NEB: variants seen among roughly 807,000 people sequenced by gnomAD.
NEB encodes nebulin, also known as nemaline myopathy type 2.
In NEB, 512 loss-of-function variants were observed where a neutral mutation model predicts 952.2. The observed-to-expected ratio is 0.54, with a 90% CI of 0.50 to 0.58. The LOEUF is 0.58. Ranked by LOEUF, NEB falls within the 20% of genes least tolerant of loss-of-function variation. The pLI is 0.00. For synonymous variants in NEB, 2,900 were observed against 3,149.8 expected (o/e 0.92, Z 2.66); for missense variants, 8,428 against 9,231.1 (o/e 0.91, Z 3.56).
rs1246946010 is a variant in NEB, at chr2:151,713,305, T to G, written c.823-2767A>C. On this transcript the variant is annotated intron_variant, in intron 10 of 181. Transcript: ENST00000397345. ...AGGGGCTAAGCACTGGGACTCCTGA[T>G]GGTTCCATTCATAGAAAAGTTATCC... Among the ~76,000 whole-genome samples, 5 of 152,202 alleles carry G rather than the reference T, an allele frequency of 3.3e-5. No individual in the cohort carries two copies. In the East Asian group the frequency reaches 7.7e-4, roughly 23 times the overall value.
chr2:151,490,835 T>C (rs1036578228), intron 179 of NEB, among the ~76,000 whole-genome samples: 4 of 152,196 alleles, frequency 2.6e-5, no homozygotes, highest in Admixed American at 2.6e-4. Context: ...AATAGTAATA[T>C]TCACATTCAG....
intron 137 of NEB, 59 bp downstream of exon 137, chr2:151,540,638 G>T: frequency 1.4e-6 from 2 of 1,457,642 alleles, no homozygotes; most frequent in South Asian, 2.3e-5. Flanking sequence ...AGCAGGGGAA[G>T]GTTTTAACAA....
chr2:151,497,003 T>G lies in NEB; in HGVS notation c.24331A>C (p.Thr8111Pro), dbSNP rs1175945593. 2 of 1,576,118 alleles carry G rather than the reference T, an allele frequency of 1.3e-6. No individual in the cohort carries two copies. Among genetic ancestry groups the G allele is most frequent in the South Asian group, 1.2e-5 (1 of 86,170 alleles). Residue 8111 changes from threonine to proline, a missense_variant, in exon 172 of 182, where the codon ACC becomes CCC. This residue lies in a region of NEB where 3,374 missense variants were observed against 3,651.5 expected (regional missense o/e 0.92). Transcript: ENST00000397345. ...VLYKENMGKG[T>P]PLPVTPEMER... ...ATCTCAGGAGTGACAGGTAGAGGGGTTCCCTTGCCCATGTTTTCTTTGTAT... is the reference window on the plus strand; with the variant it reads ...ATCTCAGGAGTGACAGGTAGAGGGGGTCCCTTGCCCATGTTTTCTTTGTAT...
chr2:151,499,831 G>C (rs1356225347), intron 168 of NEB, among the ~76,000 whole-genome samples: 1 of 152,154 alleles, frequency 6.6e-6, no homozygotes, highest in Non-Finnish European at 1.5e-5. Context: ...AGTTCAAGTT[G>C]TTGTAGAGAT....
At chr2:151,537,732 T>A in intron 140 of NEB, 140 bp downstream of exon 140, 1 of 519,068 alleles carries the variant, frequency 1.9e-6, no homozygotes, top group Non-Finnish European at 3.3e-6. Context: ...CACTTAGCAA[T>A]TGAGTTTTAT....
chr2:151,628,069 T>C (rs2098558254), intron 68 of NEB, among the ~76,000 whole-genome samples: 1 of 152,160 alleles, frequency 6.6e-6, no homozygotes, highest in Admixed American at 6.6e-5. Flanking sequence ...CTAATGGGAA[T>C]AGTCCAGTGG....
In NEB at chr2:151,605,747, CT is replaced by C. The variant is rs952988446; in HGVS notation, c.12747+858del. ...GAACACAGAGAAAGGAACAAGGTGG[CT>C]TAAAGAGTTGGAGCTGGGGGCAGGG... On this transcript the variant is annotated intron_variant, in intron 84 of 181. Transcript: ENST00000397345. Among the ~76,000 whole-genome samples the C allele has an allele frequency of 3.1e-5, 3 of 97,954 alleles. 1 individual carries two copies. Among genetic ancestry groups the C allele is most frequent in the African/African-American group, 8.6e-5 (3 of 34,920 alleles). 64.3% of individuals were successfully genotyped at this position (97,954 alleles called of 152,430 possible).
At chr2:151,668,539 T>C (rs940475974) in intron 39 of NEB, among the ~76,000 whole-genome samples, 6 of 152,124 alleles carry the variant, frequency 3.9e-5, no homozygotes, top group African/African-American at 1.4e-4. Flanking sequence ...ATCAATATCC[T>C]TTTTTTAAAA....
At chr2:151,694,228 A>G in intron 20 of NEB, 95 bp downstream of exon 20, 1 of 1,061,534 alleles carries the variant, frequency 9.4e-7, no homozygotes, top group South Asian at 1.4e-5. Context: ...TCTTGAATCC[A>G]AGATTTCAGT....
At position 151,659,088 on chromosome 2, in the gene NEB, C is replaced by T. The variant is rs1290601304; in HGVS notation, c.6052G>A (p.Ala2018Thr). 9 of 1,610,354 alleles carry T rather than the reference C, an allele frequency of 5.6e-6. No individual in the cohort carries two copies. In the African/African-American group the frequency reaches 8.0e-5, roughly 14 times the overall value. ...ACATCACTCATATTAATTGCATTTGCCTTTGCCAAAATAATCTGGGGGATA... is the reference window on the plus strand; with the variant it reads ...ACATCACTCATATTAATTGCATTTGTCTTTGCCAAAATAATCTGGGGGATA... ...PDIPQIILAK[A>T]NAINMSDKLY... The change falls in exon 47 of 182, where the codon GCA becomes ACA. Residue 2018 changes from alanine (A) to threonine (T), a missense_variant. Physicochemically the swap from Ala to Thr is moderately conservative, Grantham distance 58 (BLOSUM62 0). This residue lies in a region of NEB where 2,851 missense variants were observed against 2,791.5 expected (regional missense o/e 1.02). Transcript: ENST00000397345.
Position 151,618,405 on chromosome 2 carries a change from C to G in NEB, c.10946G>C (p.Arg3649Thr), listed in dbSNP as rs540945097. The change falls in exon 74 of 182, where the codon AGG becomes ACG. Residue 3649 changes from arginine to threonine, a missense_variant. Arg to Thr is a moderately conservative substitution (Grantham distance 71, BLOSUM62 -1). Around this residue, in one of 11 missense-constraint regions of NEB, gnomAD observed 1,772 missense variants for 1,960.3 expected, o/e 0.90. Coordinates refer to ENST00000397345, the MANE Select transcript of NEB (RefSeq NM_001164508.2). ...WVPIDSLEVV[R>T]AKRAGELLSD... ...AAGTAATTCTCCAGCTCTCTTGGCC[C>G]TAACAACTTCCAAGGAATCAATCGG... 1 of 1,613,910 alleles carries G rather than the reference C, an allele frequency of 6.2e-7. No individual in the cohort carries two copies. Among genetic ancestry groups the G allele is most frequent in the East Asian group, 2.2e-5 (1 of 44,858 alleles).
At chr2:151,656,523 G>A (rs2099087024) in intron 48 of NEB, 59 bp from the exon 49 acceptor site, 1 of 1,024,088 alleles carries the variant, frequency 9.8e-7, no homozygotes, top group Middle Eastern at 2.2e-4. Context: ...AATCGATCTA[G>A]TGTCAATATG....
chr2:151,569,167 A>G, intron 110 of NEB, 101 bp downstream of exon 110: 1 of 945,134 alleles, frequency 1.1e-6, no homozygotes, highest in African/African-American at 1.6e-5. Context: ...CAGCAATTGA[A>G]ATGGTTAAGA....
At position 151,525,284 on chromosome 2, in the gene NEB, C is replaced by G. The variant is rs770580482; in HGVS notation, c.22162-11G>C. Reference sequence around the variant, plus strand: ...CTTTTTGTAATTTGTCTAAATAGAGCCAGAATTACTTTTATGAGTAGAGGA... The same window carrying G: ...CTTTTTGTAATTTGTCTAAATAGAGGCAGAATTACTTTTATGAGTAGAGGA... On this transcript the variant is annotated splice_polypyrimidine_tract_variant and intron_variant, in intron 150 of 181. Coordinates refer to ENST00000397345, the MANE Select transcript of NEB (RefSeq NM_001164508.2). 5 of 1,574,592 alleles carry G rather than the reference C, an allele frequency of 3.2e-6. No individual in the cohort carries two copies. Among genetic ancestry groups the G allele is most frequent in the Non-Finnish European group, 3.5e-6 (4 of 1,144,600 alleles).
At chr2:151,667,970 A>C in intron 39 of NEB, 59 bp from the exon 40 acceptor site, 5 of 1,312,310 alleles carry the variant, frequency 3.8e-6, no homozygotes, top group Non-Finnish European at 4.3e-6. Flanking sequence ...AATGAAACAG[A>C]ATGCCAAAAT....
chr2:151,565,268 A>T (rs2096303005), intron 116 of NEB, 120 bp from the exon 117 acceptor site: 1 of 672,548 alleles, frequency 1.5e-6, no homozygotes. Flanking sequence ...GTTGAATTTT[A>T]GCCCATTTTA....
At chr2:151,640,766 T>C (rs2154106102) in intron 60 of NEB, 100 bp from the exon 61 acceptor site, 1 of 1,161,988 alleles carries the variant, frequency 8.6e-7, no homozygotes, top group East Asian at 2.6e-5. Flanking sequence ...AAATTTTCCC[T>C]GAATATGTAA....
chr2:151,719,450 T>C (rs1392559210), intron 9 of NEB, among the ~76,000 whole-genome samples: 2 of 152,240 alleles, frequency 1.3e-5, no homozygotes, highest in Non-Finnish European at 2.9e-5. Flanking sequence ...TTTAACCAAG[T>C]CTAACTGTAT....
Position 151,547,547 on chromosome 2 carries a change from A to T in NEB, c.20263-14T>A. The T allele has an allele frequency of 6.3e-7, 1 of 1,598,492 alleles. No individual in the cohort carries two copies. The highest frequency in any genetic ancestry group is 8.5e-7 in the Non-Finnish European group (1 of 1,170,308). On this transcript the variant is annotated splice_polypyrimidine_tract_variant and intron_variant, in intron 132 of 181. Transcript: ENST00000397345. The stretch of plus-strand genomic sequence containing the variant: ...TTTGTAGATCAACTAAAGAAAAAAA[A>T]ATACCCCAAAACATATGTATTAGAG...
Sources: gnomAD v4.1 joint callset for allele counts (sites outside exome capture counted in the v4.1 genomes callset) on GRCh38, gnomAD v4.1.1 for gene constraint, gnomAD v4.1.1 regional missense constraint, MANE v1.5 for transcripts, NCBI Gene and HGNC (gene_info 2026-07-23, HGNC 2026-07-21) for gene names.